The following COL11A1 variants were observed in gnomAD, a reference collection of about 807,000 sequenced individuals.
The protein encoded by COL11A1 is collagen type XI alpha 1 chain, also known as collagen alpha-1(XI) chain.
In COL11A1, 74 loss-of-function variants were observed where a neutral mutation model predicts 265.2. That is an observed-to-expected ratio of 0.28 (90% confidence interval 0.23 to 0.34). The LOEUF (loss-of-function observed/expected upper bound fraction) is 0.34. COL11A1 is among the 10% of genes least tolerant of loss of function. COL11A1 has a pLI of 1.00. For synonymous variants in COL11A1, 816 were observed against 727.6 expected (o/e 1.12, Z -1.96); for missense variants, 2,165 against 2,263.6 (o/e 0.96, Z 0.88).
chr1:102,977,735 C>G (rs1220999973), intron 35 of COL11A1, among the ~76,000 whole-genome samples: 1 of 152,016 alleles, frequency 6.6e-6, no homozygotes, highest in Non-Finnish European at 1.5e-5. Context: ...TCAAAAATTA[C>G]AGGATAGACT....
At position 103,108,077 on chromosome 1, in the gene COL11A1, TC is replaced by T. The variant is rs1363007400; in HGVS notation, c.101del (p.Arg34LysfsTer9). 1 of 1,613,044 alleles carries T rather than the reference TC, an allele frequency of 6.2e-7. No homozygotes were observed. Among genetic ancestry groups the T allele is most frequent in the Non-Finnish European group, 8.5e-7 (1 of 1,179,626 alleles). On this transcript the variant is annotated frameshift_variant, in exon 1 of 67. Transcript: ENST00000370096. LOFTEE classifies it high-confidence loss of function. ...LTFLFQAREV[R>X]GAAPVDVLKA... ...CCCAAATCCATTTTTTCTTACCTCC[TC>T]TGACCTCTCTAGCTTGGAAGAGGAA... is the stretch of plus-strand genomic sequence containing the variant.
chr1:102,956,511 A>G (rs1660385911), intron 41 of COL11A1, among the ~76,000 whole-genome samples: 1 of 152,116 alleles, frequency 6.6e-6, no homozygotes, highest in South Asian at 2.1e-4. Context: ...GACAATATAA[A>G]TTTTAAAATA....
rs757568649 is a variant in COL11A1, at chr1:102,915,592, A to G, written c.3816+39T>C. The G allele has an allele frequency of 1.9e-6, 3 of 1,575,312 alleles. No individual in the cohort carries two copies. The South Asian group carries it at 3.3e-5, about 17-fold the overall frequency. ...GTAATGCTGTAAAAGAAATTCCCAA[A>G]CCAATAATACACTATGTTAACAATA... On this transcript the variant is annotated intron_variant, in intron 50 of 66. Coordinates refer to ENST00000370096, the MANE Select transcript of COL11A1 (RefSeq NM_001854.4).
At chr1:102,941,536 T>C (rs901883093) in intron 42 of COL11A1, among the ~76,000 whole-genome samples, 1 of 152,196 alleles carries the variant, frequency 6.6e-6, no homozygotes, top group Non-Finnish European at 1.5e-5. Flanking sequence ...CTCTCTGCAT[T>C]CCAACCCTTC....
intron 20 of COL11A1, among the ~76,000 whole-genome samples, chr1:103,004,038 G>A (rs1418873754): frequency 6.6e-6 from 1 of 151,984 alleles, no homozygotes; most frequent in Non-Finnish European, 1.5e-5. Context: ...TGTAATATTT[G>A]GTGGAGAAAA....
intron 4 of COL11A1, among the ~76,000 whole-genome samples, chr1:103,033,026 C>A (rs186641782): frequency 6.6e-6 from 1 of 152,106 alleles, no homozygotes; most frequent in Non-Finnish European, 1.5e-5. Context: ...GGCAGTCACT[C>A]TCTATCCTTC....
At position 102,879,788 on chromosome 1, in the gene COL11A1, C is replaced by T. The variant is rs1649996140; in HGVS notation, c.5169G>A (p.Val1723=). 1 of 1,613,958 alleles carries T rather than the reference C, an allele frequency of 6.2e-7. No homozygotes were observed. The stretch of plus-strand genomic sequence containing the variant: ...GTGCTTTGTCATAACTTCCTGATGA[C>T]ACATCATACCAGGCTGCTGACTGAT... ...HCHQSAAWYD[V]SSGSYDKALR... Residue 1723 remains valine (V), a synonymous_variant, in exon 66 of 67, where the codon GTG becomes GTA. Transcript: ENST00000370096.
chr1:103,028,325 C>A (rs531204479), intron 5 of COL11A1, among the ~76,000 whole-genome samples: 1 of 152,122 alleles, frequency 6.6e-6, no homozygotes, highest in Non-Finnish European at 1.5e-5. Flanking sequence ...TGAGTCACTG[C>A]GCCCAGCCGG....
chr1:102,915,678 G>A lies in COL11A1; in HGVS notation c.3769C>T (p.Pro1257Ser), dbSNP rs1341359482. 1.2e-6 allele frequency: 2 copies of A among 1,611,126 alleles called. No homozygotes were observed. The highest frequency in any genetic ancestry group is 3.3e-5 in the Admixed American group (2 of 59,962). Residue 1257 changes from proline (P) to serine (S), a missense_variant, in exon 50 of 67, where the codon CCT (proline) becomes TCT (serine). By Grantham distance (74) the Pro-to-Ser change is moderately conservative. Coordinates refer to ENST00000370096, the MANE Select transcript of COL11A1 (RefSeq NM_001854.4). ...GGCCCTGGGTTCCCTGCTTCTCCAGGTTCACCCTATATAGAGAAGATCAAA... is the reference window on the plus strand; with the variant it reads ...GGCCCTGGGTTCCCTGCTTCTCCAGATTCACCCTATATAGAGAAGATCAAA... ...SVGGVGEKGE[P>S]GEAGNPGPPG...
At chr1:102,881,828 T>A (rs1374382604) in intron 64 of COL11A1, 63 bp from the exon 65 acceptor site, 4 of 1,150,852 alleles carry the variant, frequency 3.5e-6, no homozygotes, top group Non-Finnish European at 5.1e-6. Flanking sequence ...ACAGTATTTT[T>A]ATATACATAT....
chr1:102,877,629 A>G lies in COL11A1; in HGVS notation c.*390T>C. The G allele has an allele frequency of 5.1e-6, 1 of 195,838 alleles. No homozygotes were observed. Among genetic ancestry groups the G allele is most frequent in the South Asian group, 9.5e-5 (1 of 10,582 alleles). 12.1% of individuals were successfully genotyped at this position (195,838 alleles called of 1,614,324 possible). A position where few individuals can be genotyped will look rare whatever the true frequency, so the allele number is the denominator to read the frequency against. On this transcript the variant is annotated 3_prime_UTR_variant, in exon 67 of 67. Coordinates refer to ENST00000370096, the MANE Select transcript of COL11A1 (RefSeq NM_001854.4). ...GACACAGATAACAGTATAGAACTGT[A>G]CACAAAATAATTACAATTTATTAAA...
intron 4 of COL11A1, among the ~76,000 whole-genome samples, chr1:103,050,917 A>C (rs1307731663): frequency 4.6e-5 from 7 of 152,170 alleles, no homozygotes; most frequent in Admixed American, 3.9e-4. Flanking sequence ...AGAACAGTGG[A>C]TATTGGTGAA....
intron 35 of COL11A1, among the ~76,000 whole-genome samples, chr1:102,975,338 C>T (rs183650291): frequency 3.8e-4 from 58 of 151,040 alleles, no homozygotes; most frequent in African/African-American, 1.3e-3. Context: ...CCGTATATTC[C>T]AAAACTAAAA....
intron 1 of COL11A1, among the ~76,000 whole-genome samples, chr1:103,088,142 C>A (rs1379936565): frequency 2.0e-5 from 3 of 152,088 alleles, no homozygotes; most frequent in African/African-American, 7.2e-5. Context: ...TTGATTGTTT[C>A]ATCTCTAATT....
intron 28 of COL11A1, among the ~76,000 whole-genome samples, chr1:102,993,192 A>G (rs1346993415): frequency 2.6e-4 from 39 of 152,188 alleles, no homozygotes; most frequent in Non-Finnish European, 5.9e-5. Flanking sequence ...ATTTCTTAAC[A>G]AGAAAAATTC....
chr1:103,066,099 T>A (rs2102230892), intron 4 of COL11A1, among the ~76,000 whole-genome samples: 1 of 152,066 alleles, frequency 6.6e-6, no homozygotes. Context: ...ATAAGAAAAC[T>A]AAGAGATACA....
chr1:102,970,812 A>C (rs1341081897), intron 36 of COL11A1, among the ~76,000 whole-genome samples: 1 of 152,034 alleles, frequency 6.6e-6, no homozygotes, highest in Non-Finnish European at 1.5e-5. Flanking sequence ...TCAGAGGATC[A>C]AGACCATTCT....
chr1:103,003,264 G>A lies in COL11A1; in HGVS notation c.1949C>T (p.Pro650Leu). ...GPRGLPGEAG[P>L]RGLLGPRGTP... ...TCCCCTTGGACCCAGCAAACCTCGT[G>A]GGCCCTAGGAGAAAAAGAAAAAGCA... Residue 650 changes from proline (P) to leucine (L), a missense_variant, in exon 21 of 67, where the codon CCA (proline) becomes CTA (leucine). By Grantham distance (98) the Pro-to-Leu change is moderately conservative (BLOSUM62 -3). Coordinates refer to ENST00000370096, the MANE Select transcript of COL11A1 (RefSeq NM_001854.4). The A allele has an allele frequency of 6.2e-7, 1 of 1,612,604 alleles. No homozygotes were observed. Among genetic ancestry groups the A allele is most frequent in the Non-Finnish European group, 8.5e-7 (1 of 1,179,612 alleles).
intron 4 of COL11A1, among the ~76,000 whole-genome samples, chr1:103,064,172 G>A (rs1438933814): frequency 6.6e-6 from 1 of 151,932 alleles, no homozygotes; most frequent in Non-Finnish European, 1.5e-5. Context: ...ATAAAACAAA[G>A]CATATTCATA....
Sources: gnomAD v4.1 joint callset for allele counts (sites outside exome capture counted in the v4.1 genomes callset) on GRCh38, gnomAD v4.1.1 for gene constraint, MANE v1.5 for transcripts, NCBI Gene and HGNC (gene_info 2026-07-23, HGNC 2026-07-21) for gene names.